The following CDK8 variants were observed in gnomAD, a reference collection of about 807,000 sequenced individuals.
CDK8 encodes the protein cyclin-dependent kinase 8.
In CDK8, 29 loss-of-function variants were observed where a neutral mutation model predicts 71.5. The ratio of observed to expected loss-of-function variants is 0.41; its 90% CI spans 0.30 to 0.55. The LOEUF (loss-of-function observed/expected upper bound fraction) is 0.55. CDK8 is among the 20% of genes least tolerant of loss of function. CDK8 has a pLI of 0.37. For missense variants in CDK8, 288 were observed against 572.6 expected (o/e 0.50, Z 5.07); for synonymous variants, 161 against 192.1 (o/e 0.84, Z 1.34).
At chr13:26,316,644 G>A (rs1874525118) in intron 1 of CDK8, among the ~76,000 whole-genome samples, 1 of 152,094 alleles carries the variant, frequency 6.6e-6, no homozygotes. Flanking sequence ...GCTCATCCTT[G>A]GTACAAAGGC....
chr13:26,278,594 T>C (rs1872636078), intron 1 of CDK8, among the ~76,000 whole-genome samples: 1 of 152,234 alleles, frequency 6.6e-6, no homozygotes, highest in Non-Finnish European at 1.5e-5. Context: ...CTTCCTGAAC[T>C]GTCTTACATT....
Position 26,254,557 on chromosome 13 carries a change from GGGCTGC to G in CDK8, c.-78_-73del, listed in dbSNP as rs1242626007. Reference sequence around the variant, plus strand: ...GGGCGTAGAGCGGGCGGGTTCCCGGGGGCTGCGGCTGCCCGTGCTTCCCCGGTCCCC... The same window carrying G: ...GGGCGTAGAGCGGGCGGGTTCCCGGGGGCTGCCCGTGCTTCCCCGGTCCCC... On this transcript the variant is annotated 5_prime_UTR_variant, in exon 1 of 13. Transcript: ENST00000381527. The surrounding 1 kb of genome is among the most constrained non-coding windows in gnomAD (Gnocchi z 6.7). 1 of 1,243,074 alleles carries G rather than the reference GGGCTGC, an allele frequency of 8.0e-7. No homozygotes were observed. Among genetic ancestry groups the G allele is most frequent in the East Asian group, 2.6e-5 (1 of 37,764 alleles). 77.0% of individuals were successfully genotyped at this position (1,243,074 alleles called of 1,614,324 possible).
intron 2 of CDK8, among the ~76,000 whole-genome samples, chr13:26,339,530 A>C (rs1000221038): frequency 5.5e-4 from 84 of 151,376 alleles, no homozygotes; most frequent in African/African-American, 1.9e-3. Flanking sequence ...ATTCTTTGTC[A>C]GAATTGTTTG....
chr13:26,336,913 C>T (rs1265191466), intron 1 of CDK8, among the ~76,000 whole-genome samples: 3 of 152,062 alleles, frequency 2.0e-5, no homozygotes, highest in Admixed American at 2.0e-4. Context: ...TTTTCTGTTG[C>T]ACTTGCCATA....
chr13:26,254,602 G>GCCC lies in CDK8; in HGVS notation c.-40_-39insCCC. The stretch of plus-strand genomic sequence containing the variant: ...TCCCCGGTCCCCACCCCTGCCCCCC[G>GCCC]GCCCCCCGACCCAGCTCTCCGGCCT... On this transcript the variant is annotated 5_prime_UTR_variant, in exon 1 of 13. Coordinates refer to ENST00000381527, the MANE Select transcript of CDK8 (RefSeq NM_001260.3). This position sits in a 1 kb window ranked among gnomAD's most constrained non-coding sequence, Gnocchi z 6.7. 1.7e-6 allele frequency: 1 copy of GCCC among 590,572 alleles called. No individual in the cohort carries two copies. The highest frequency in any genetic ancestry group is 2.7e-6 in the Non-Finnish European group (1 of 365,450). The allele number at this position is 590,572 out of a possible 1,614,324, so 36.6% of individuals were successfully genotyped here.
At chr13:26,339,983 A>G (rs1873170453) in intron 2 of CDK8, among the ~76,000 whole-genome samples, 1 of 151,672 alleles carries the variant, frequency 6.6e-6, no homozygotes. Context: ...TCTTTGATTT[A>G]TTCCCAACTG....
intron 1 of CDK8, among the ~76,000 whole-genome samples, chr13:26,281,409 C>T (rs968001145): frequency 2.6e-5 from 4 of 152,226 alleles, no homozygotes; most frequent in African/African-American, 9.6e-5. Flanking sequence ...GTGTGGCTTG[C>T]TGGAAGCCCC....
At chr13:26,310,652 A>G (rs1250242596) in intron 1 of CDK8, among the ~76,000 whole-genome samples, 2 of 152,170 alleles carry the variant, frequency 1.3e-5, no homozygotes, top group East Asian at 3.8e-4. Flanking sequence ...AACATGAGCT[A>G]TAGGGAGTGG....
chr13:26,327,040 T>G (rs1875051736), intron 1 of CDK8, among the ~76,000 whole-genome samples: 1 of 152,200 alleles, frequency 6.6e-6, no homozygotes, highest in Non-Finnish European at 1.5e-5. Flanking sequence ...CAAGTGTACC[T>G]TGATTGTCCA....
intron 1 of CDK8, among the ~76,000 whole-genome samples, chr13:26,270,290 G>A (rs1269552988): frequency 6.7e-6 from 1 of 149,464 alleles, no homozygotes; most frequent in Non-Finnish European, 1.5e-5. Context: ...TCAAGAGGCT[G>A]AGGCAGGAGA....
At chr13:26,339,063 A>T (rs1295030526) in intron 2 of CDK8, among the ~76,000 whole-genome samples, 1 of 152,126 alleles carries the variant, frequency 6.6e-6, no homozygotes, top group Non-Finnish European at 1.5e-5. Context: ...AGAAAGAAGT[A>T]TGAAAGCCTA....
intron 4 of CDK8, among the ~76,000 whole-genome samples, chr13:26,362,266 G>A (rs138371430): frequency 4.5e-3 from 590 of 131,860 alleles, no homozygotes; most frequent in African/African-American, 0.015. Flanking sequence ...ATGGATGGAT[G>A]GATAGATAGA....
intron 1 of CDK8, among the ~76,000 whole-genome samples, chr13:26,272,649 A>ACAT (rs1432206037): frequency 1.3e-5 from 2 of 152,254 alleles, no homozygotes; most frequent in Non-Finnish European, 2.9e-5. Context: ...TATAGCATAT[A>ACAT]CATACACCAG....
At chr13:26,325,078 T>C (rs1008656992) in intron 1 of CDK8, among the ~76,000 whole-genome samples, 1 of 152,194 alleles carries the variant, frequency 6.6e-6, no homozygotes, top group Non-Finnish European at 1.5e-5. Context: ...GAGCTTGGCA[T>C]CTGGAGCTGC....
At chr13:26,317,179 GA>G (rs1874548880) in intron 1 of CDK8, among the ~76,000 whole-genome samples, 2 of 152,148 alleles carry the variant, frequency 1.3e-5, no homozygotes, top group East Asian at 3.9e-4. Context: ...GAGCATATTT[GA>G]AGAACTGATG....
chr13:26,384,401 A>G (rs1356493437), intron 5 of CDK8, among the ~76,000 whole-genome samples: 2 of 152,238 alleles, frequency 1.3e-5, no homozygotes, highest in Non-Finnish European at 2.9e-5. Flanking sequence ...AACATGTATT[A>G]GGCAAAAGCT....
intron 1 of CDK8, among the ~76,000 whole-genome samples, chr13:26,267,836 G>A (rs900186617): frequency 1.3e-5 from 2 of 152,176 alleles, no homozygotes; most frequent in Non-Finnish European, 2.9e-5. Context: ...TCTCCATGGA[G>A]ACATTTGCCA....
intron 3 of CDK8, among the ~76,000 whole-genome samples, chr13:26,352,075 A>G (rs769709646): frequency 3.3e-5 from 5 of 151,852 alleles, no homozygotes; most frequent in Non-Finnish European, 7.4e-5. Context: ...CCTCTCCTAC[A>G]TATTTGTTCC....
intron 1 of CDK8, among the ~76,000 whole-genome samples, chr13:26,323,332 A>G (rs1420794913): frequency 0.011 from 1,119 of 104,300 alleles, 20 homozygotes; most frequent in South Asian, 0.073. Flanking sequence ...AGAGAGGGAG[A>G]GAGAGAGGGA....
Sources: gnomAD v4.1 joint callset for allele counts (sites outside exome capture counted in the v4.1 genomes callset) on GRCh38, gnomAD v4.1.1 for gene constraint, Gnocchi (gnomAD v3.1) non-coding constraint, MANE v1.5 for transcripts, NCBI Gene and HGNC (gene_info 2026-07-23, HGNC 2026-07-21) for gene names.